MAD2L2: variants seen among roughly 807,000 people sequenced by gnomAD.
MAD2L2 encodes mitotic arrest deficient 2 like 2.
Under a neutral mutation model 30.5 loss-of-function variants are expected in MAD2L2, and 17 were observed. That is an observed-to-expected ratio of 0.56 (90% CI 0.38 to 0.84). The LOEUF is 0.84. MAD2L2 is among the 40% of genes least tolerant of loss of function. The pLI, the probability that MAD2L2 is intolerant of heterozygous loss-of-function variation, is 0.00. For synonymous variants in MAD2L2, 101 were observed against 113.9 expected (o/e 0.89, Z 0.72); for missense variants, 213 against 277.4 (o/e 0.77, Z 1.65).
At chr1:11,684,167 T>TGGGGGC (rs1640921828), upstream of MAD2L2, among the ~76,000 whole-genome samples, 1 of 138,104 alleles carries the variant, frequency 7.2e-6, no homozygotes, top group Non-Finnish European at 1.6e-5. Context: ...TCAGGTTCCA[T>TGGGGGC]GGGGGCGGGG....
upstream of MAD2L2, among the ~76,000 whole-genome samples, chr1:11,682,619 C>T (rs28924091): frequency 3.1e-3 from 465 of 152,220 alleles, 3 homozygotes; most frequent in African/African-American, 0.011. Flanking sequence ...TCACAGCTGC[C>T]CTGCTGCCTA....
Position 11,677,528 on chromosome 1 carries a change from C to T in MAD2L2, c.231+15G>A, listed in dbSNP as rs1465256794. ...GCATGGGGTGAGATGGCTGGGGAGC[C>T]CAGTGCACCCTCACCTTCTCCAGGA... On this transcript the variant is annotated intron_variant, in intron 4 of 8. Transcript: ENST00000376692. The T allele has an allele frequency of 1.9e-6, 3 of 1,612,932 alleles. No homozygotes were observed. The highest frequency in any genetic ancestry group is 2.5e-6 in the Non-Finnish European group (3 of 1,179,210).
chr1:11,675,399 G>A (rs1186531251), intron 7 of MAD2L2, among the ~76,000 whole-genome samples: 4 of 152,214 alleles, frequency 2.6e-5, no homozygotes, highest in Non-Finnish European at 5.9e-5. Context: ...AACCTGGTGG[G>A]CTAGGACCCC....
At chr1:11,691,728 C>G (rs1641072211), upstream of MAD2L2, 1 of 145,992 alleles carries the variant, frequency 6.8e-6, no homozygotes, top group Non-Finnish European at 1.5e-5. Flanking sequence ...TCAGCCCGGG[C>G]ACATCCTCCG....
chr1:11,684,447 G>A (rs1391803917), upstream of MAD2L2, among the ~76,000 whole-genome samples: 1 of 152,158 alleles, frequency 6.6e-6, no homozygotes, highest in Non-Finnish European at 1.5e-5. Context: ...TGTTTAGGGG[G>A]AGCAAGAGTT....
intron 3 of MAD2L2, among the ~76,000 whole-genome samples, chr1:11,679,985 G>GTTTTT (rs70983583): frequency 2.3e-5 from 2 of 87,564 alleles, no homozygotes; most frequent in East Asian, 4.2e-4. Context: ...AGTGGAAGAG[G>GTTTTT]TTTTTTTTTT....
Position 11,680,435 on chromosome 1 carries a change from G to A in MAD2L2, c.77C>T (p.Ala26Val). ...GCGCACGTAGAGGATGAGATGCACA[G>A]CCACCTCCAGGAACTCGCAGAGCAC... is the stretch of plus-strand genomic sequence containing the variant. ...ADVLCEFLEV[A>V]VHLILYVREV... Residue 26 changes from alanine (A) to valine (V), a missense_variant, in exon 3 of 9, where the codon GCT becomes GTT. By Grantham distance (64) the Ala-to-Val change is moderately conservative (BLOSUM62 0). Coordinates refer to ENST00000376692, the MANE Select transcript of MAD2L2 (RefSeq NM_006341.4). The A allele has an allele frequency of 1.2e-6, 2 of 1,613,920 alleles. No homozygotes were observed. The highest frequency in any genetic ancestry group is 1.7e-6 in the Non-Finnish European group (2 of 1,179,910).
chr1:11,676,771 G>GC (rs1466177964), intron 5 of MAD2L2, 77 bp downstream of exon 5: 11 of 1,149,744 alleles, frequency 9.6e-6, no homozygotes, highest in Non-Finnish European at 1.3e-5. Flanking sequence ...GTATTCAAGG[G>GC]CCGCCTTAAA....
At position 11,690,113 on chromosome 1, in the gene MAD2L2, T is replaced by G. The variant is rs1236308060; in HGVS notation, c.-692+1300A>C. 1.5e-4 allele frequency among the ~76,000 whole-genome samples: 23 copies of G among 152,142 alleles called. No individual in the cohort carries two copies. The highest frequency in any genetic ancestry group is 1.4e-3 in the Admixed American group (22 of 15,268). On this transcript the variant is annotated intron_variant, in intron 1 of 10. Transcript: ENST00000235310. This position sits in a 1 kb window ranked among gnomAD's most constrained non-coding sequence, Gnocchi z 4.2. ...GCTTTGTCTGTAATGTGCTTTACTT[T>G]TCTTCATAGCACTAATCACCACCTG...
rs1640793782 is a variant in MAD2L2, at chr1:11,677,622, C to T, written c.160-8G>A. 1 of 1,611,230 alleles carries T rather than the reference C, an allele frequency of 6.2e-7. No individual in the cohort carries two copies. Among genetic ancestry groups the T allele is most frequent in the African/African-American group, 1.3e-5 (1 of 75,016 alleles). ...CTCCGGGTGGCAGGACATCTGCACA[C>T]AATACCATGCGGCTCGTGAGGCCCA... On this transcript the variant is annotated splice_region_variant and splice_polypyrimidine_tract_variant and intron_variant, in intron 3 of 8. Transcript: ENST00000376692.
At chr1:11,686,340 G>A (rs912700154) in intron 1 of MAD2L2, among the ~76,000 whole-genome samples, 1 of 152,204 alleles carries the variant, frequency 6.6e-6, no homozygotes, top group East Asian at 1.9e-4. Context: ...CGACACTTCA[G>A]CCAGAGCAAA....
intron 7 of MAD2L2, 31 bp from the exon 8 acceptor site, chr1:11,675,205 C>T (rs2233027): frequency 0.2 from 294,506 of 1,496,464 alleles, 30,240 homozygotes; most frequent in Admixed American, 0.22. Flanking sequence ...AGGGGGGTGA[C>T]GGGGCTGGGC....
chr1:11,678,321 G>C (rs371095124), intron 3 of MAD2L2, among the ~76,000 whole-genome samples: 1 of 152,016 alleles, frequency 6.6e-6, no homozygotes, highest in African/African-American at 2.4e-5. Context: ...TGAGGCAGGA[G>C]AATCACTTGA....
upstream of MAD2L2, among the ~76,000 whole-genome samples, chr1:11,684,958 C>G (rs1046024287): frequency 5.3e-5 from 8 of 150,286 alleles, no homozygotes; most frequent in Non-Finnish European, 4.4e-5. Context: ...GACAGGGTCT[C>G]TCCTTGTCAC....
chr1:11,676,795 T>C (rs2100707775), intron 5 of MAD2L2, 53 bp downstream of exon 5: 1 of 1,432,210 alleles, frequency 7.0e-7, no homozygotes, highest in South Asian at 1.1e-5. Context: ...GTGGGTGTGT[T>C]GCCAGAGACA....
At chr1:11,675,320 G>C (rs2272982) in intron 7 of MAD2L2, 146 bp from the exon 8 acceptor site, 328,114 of 600,314 alleles carry the variant, frequency 0.55, 92,930 homozygotes, top group African/African-American at 0.79. Context: ...CCCCAGGACC[G>C]CCCCCATCCC....
At chr1:11,683,784 C>T (rs963843107), upstream of MAD2L2, among the ~76,000 whole-genome samples, 2 of 152,054 alleles carry the variant, frequency 1.3e-5, no homozygotes, top group Admixed American at 1.3e-4. Flanking sequence ...TCAACCTGAC[C>T]AACATGGAGA....
rs575907366 is a variant in MAD2L2 at position 11,691,214 on chromosome 1, T to A, written c.-692+199A>T. On this transcript the variant is annotated intron_variant, in intron 1 of 10. Coordinates refer to the MAD2L2 transcript ENST00000235310. ...GACAGTCTAGGCGGAATAATCCTTT[T>A]GTGGCCCCGGGCCCCTGCCCTGACA... 3.3e-3 allele frequency among the ~76,000 whole-genome samples: 497 copies of A among 152,260 alleles called. 1 individual carries two copies. The highest frequency in any genetic ancestry group is 0.011 in the African/African-American group (471 of 41,570).
upstream of MAD2L2, among the ~76,000 whole-genome samples, chr1:11,683,839 C>T (rs368993898): frequency 1.2e-3 from 182 of 152,134 alleles, 3 homozygotes; most frequent in East Asian, 0.032. Flanking sequence ...GGTGTGGTGG[C>T]GCATGCCTGT....
Sources: gnomAD v4.1 joint callset for allele counts (sites outside exome capture counted in the v4.1 genomes callset) on GRCh38, gnomAD v4.1.1 for gene constraint, Gnocchi (gnomAD v3.1) non-coding constraint, MANE v1.5 for transcripts, NCBI Gene and HGNC (gene_info 2026-07-23, HGNC 2026-07-21) for gene names.